SCIMP: variants seen among roughly 807,000 people sequenced by gnomAD.
SCIMP encodes the protein SLP adaptor and CSK interacting membrane protein, also known as SLP adapter and CSK-interacting membrane protein.
SCIMP carries 18 observed loss-of-function variants against 22.0 expected under a neutral mutation model. The observed-to-expected ratio is 0.82, with a 90% CI of 0.56 to 1.21. The LOEUF (loss-of-function observed/expected upper bound fraction) is 1.21, where lower values mean the gene tolerates loss of function less well. SCIMP is among the 50% of genes most tolerant of loss of function. SCIMP has a pLI of 0.00. For synonymous variants in SCIMP, 53 were observed against 62.2 expected (o/e 0.85, Z 0.70); for missense variants, 155 against 171.2 (o/e 0.91, Z 0.53).
intron 4 of SCIMP, chr17:5,213,993 T>A (rs2074545715): frequency 6.6e-6 from 1 of 152,174 alleles, no homozygotes; most frequent in Non-Finnish European, 1.5e-5. Flanking sequence ...TCCAACAGGA[T>A]CAGTGTCCTT....
At chr17:5,234,624 C>T in intron 1 of SCIMP, 111 bp downstream of exon 1, 14 of 1,153,542 alleles carry the variant, frequency 1.2e-5, no homozygotes, top group Non-Finnish European at 1.3e-6. Context: ...CTGCAATCCC[C>T]TGGCCCAGTG....
intron 1 of SCIMP, among the ~76,000 whole-genome samples, chr17:5,228,825 C>T (rs1484218372): frequency 5.3e-5 from 8 of 152,136 alleles, no homozygotes; most frequent in Admixed American, 5.2e-4. Flanking sequence ...TTTCTAGCGC[C>T]TAGAACATCA....
At chr17:5,215,068 A>G in intron 3 of SCIMP, 70 bp from the exon 4 acceptor site, 3 of 949,312 alleles carry the variant, frequency 3.2e-6, no homozygotes, top group Non-Finnish European at 5.2e-6. Flanking sequence ...GATTTAAGAG[A>G]AAACATCAAG....
intron 2 of SCIMP, 86 bp downstream of exon 2, chr17:5,223,246 GA>G (rs1299341496): frequency 7.0e-7 from 1 of 1,434,806 alleles, no homozygotes; most frequent in Non-Finnish European, 9.7e-7. Flanking sequence ...TCAGGCCCAG[GA>G]TTGATTTGCT....
At chr17:5,220,413 C>CATAGCAAG (rs1196798191) in intron 3 of SCIMP, among the ~76,000 whole-genome samples, 1 of 106,758 alleles carries the variant, frequency 9.4e-6, no homozygotes, top group Non-Finnish European at 1.8e-5. Context: ...GCCTGGGCAA[C>CATAGCAAG]ATAGCAAGAC....
intron 1 of SCIMP, among the ~76,000 whole-genome samples, chr17:5,230,281 A>G (rs769351443): frequency 6.6e-6 from 1 of 152,246 alleles, no homozygotes; most frequent in Non-Finnish European, 1.5e-5. Context: ...TATTAAGGGC[A>G]AACCAACCAA....
chr17:5,231,919 G>A (rs1421070649), intron 1 of SCIMP, among the ~76,000 whole-genome samples: 8 of 152,154 alleles, frequency 5.3e-5, no homozygotes, highest in Non-Finnish European at 8.8e-5. Flanking sequence ...AGCCAGGCAT[G>A]GTGGCAGGCG....
chr17:5,223,677 G>A, intron 1 of SCIMP: 1 of 467,576 alleles, frequency 2.1e-6, no homozygotes, highest in South Asian at 2.0e-5. Flanking sequence ...AGCCTCCAGA[G>A]TAACGGGGAC....
intron 1 of SCIMP, among the ~76,000 whole-genome samples, chr17:5,224,646 G>A (rs1028990106): frequency 1.3e-5 from 2 of 151,604 alleles, no homozygotes; most frequent in South Asian, 2.1e-4. Context: ...TAGTAGAGAC[G>A]GGGTTTCATC....
rs1004393340 is a variant in SCIMP, at chr17:5,209,377, G to T, written c.*1424C>A. ...TCGAACTCCCGACCTCAGGTGATCC[G>T]CCCACCTTGGCCTCCCAAGGAGGTA... On this transcript the variant is annotated 3_prime_UTR_variant, in exon 5 of 5. Coordinates refer to ENST00000574081, the MANE Select transcript of SCIMP (RefSeq NM_207103.3). 6.6e-6 allele frequency: 1 copy of T among 152,168 alleles called. No homozygotes were observed. Among genetic ancestry groups the T allele is most frequent in the African/African-American group, 2.4e-5 (1 of 41,410 alleles). The allele number at this position is 152,168 out of a possible 1,614,324, so 9.4% of individuals were successfully genotyped here. A position where few individuals can be genotyped will look rare whatever the true frequency, so the allele number is the denominator to read the frequency against.
At chr17:5,226,508 C>CA (rs1491269653) in intron 1 of SCIMP, among the ~76,000 whole-genome samples, 1 of 33,052 alleles carries the variant, frequency 3.0e-5, no homozygotes, top group African/African-American at 5.9e-5. Context: ...TTCTTTCTTT[C>CA]TTTTTTTTTT....
Position 5,210,875 on chromosome 17 carries a change from G to A in SCIMP, c.364C>T (p.Pro122Ser), listed in dbSNP as rs2074521297. 1 of 1,614,072 alleles carries A rather than the reference G, an allele frequency of 6.2e-7. No homozygotes were observed. The highest frequency in any genetic ancestry group is 8.5e-7 in the Non-Finnish European group (1 of 1,180,018). Residue 122 changes from proline (P) to serine (S), a missense_variant, in exon 5 of 5, where the codon CCA (proline) becomes TCA (serine). Physicochemically the swap from Pro to Ser is moderately conservative, Grantham distance 74 (BLOSUM62 -1). Coordinates refer to ENST00000574081, the MANE Select transcript of SCIMP (RefSeq NM_207103.3). ...KVKNKKTVSIPSYIEPEDDYD... is the reference protein window; with the variant it reads ...KVKNKKTVSISSYIEPEDDYD... ...TCATCTTCAGGCTCAATGTAGCTTG[G>A]GATGGAAACAGTCTTCTTATTTTTA...
At chr17:5,225,672 G>C (rs977577293) in intron 1 of SCIMP, among the ~76,000 whole-genome samples, 6 of 151,634 alleles carry the variant, frequency 4.0e-5, no homozygotes, top group African/African-American at 9.7e-5. Context: ...TGAGGCAAGA[G>C]AATTGCTTGA....
In SCIMP at chr17:5,209,933, G is replaced by GC. The variant is rs1724861419; in HGVS notation, c.*867dup. The GC allele has an allele frequency of 6.6e-6, 1 of 152,126 alleles. No homozygotes were observed. Among genetic ancestry groups the GC allele is most frequent in the Non-Finnish European group, 1.5e-5 (1 of 68,028 alleles). The allele number at this position is 152,126 out of a possible 1,614,324, so 9.4% of individuals were successfully genotyped here. ...GAAAATGATGGACAGGGGATATTAA[G>GC]CCCCCTGAACTCTCATCTTGTATAT... is the stretch of plus-strand genomic sequence containing the variant. On this transcript the variant is annotated 3_prime_UTR_variant, in exon 5 of 5. Coordinates refer to ENST00000574081, the MANE Select transcript of SCIMP (RefSeq NM_207103.3).
intron 1 of SCIMP, among the ~76,000 whole-genome samples, chr17:5,229,959 C>A (rs572646180): frequency 6.5e-4 from 98 of 151,588 alleles, no homozygotes; most frequent in African/African-American, 2.4e-3. Flanking sequence ...CTCTCCTCTC[C>A]TTTTTCTCCT....
In SCIMP at chr17:5,214,644, T is replaced by C. The variant is rs191804802; in HGVS notation, c.283+281A>G. 205 of 342,608 alleles carry C rather than the reference T, an allele frequency of 6.0e-4. No homozygotes were observed. The Admixed American group carries it at 7.3e-3, about 12-fold the overall frequency. The allele number at this position is 342,608 out of a possible 1,614,324, so 21.2% of individuals were successfully genotyped here. A position where few individuals can be genotyped will look rare whatever the true frequency, so the allele number is the denominator to read the frequency against. On this transcript the variant is annotated intron_variant, in intron 4 of 4. Coordinates refer to ENST00000574081, the MANE Select transcript of SCIMP (RefSeq NM_207103.3). The stretch of plus-strand genomic sequence containing the variant: ...TCACGAGGTCAGGAGATCGAGACCA[T>C]CCTGGCTAACGCGGTGAAACTCCTT...
chr17:5,211,876 C>G (rs984894112), intron 4 of SCIMP, among the ~76,000 whole-genome samples: 2 of 151,960 alleles, frequency 1.3e-5, no homozygotes, highest in East Asian at 3.9e-4. Flanking sequence ...TGATGAAACT[C>G]TGTCTCTACA....
chr17:5,227,277 T>A (rs1367139297), intron 1 of SCIMP, among the ~76,000 whole-genome samples: 8 of 117,088 alleles, frequency 6.8e-5, no homozygotes, highest in Non-Finnish European at 1.4e-4. Flanking sequence ...CCTGTCTCTA[T>A]ATACACACAC....
chr17:5,230,615 A>G (rs1433886485), intron 1 of SCIMP, among the ~76,000 whole-genome samples: 1 of 152,176 alleles, frequency 6.6e-6, no homozygotes, highest in Admixed American at 6.6e-5. Context: ...ACTTGCTTCT[A>G]GTTGATCTTA....
Sources: allele counts gnomAD v4.1 joint callset (sites outside exome capture counted in the v4.1 genomes callset), GRCh38; gene constraint gnomAD v4.1.1; transcripts MANE v1.5; gene names NCBI Gene and HGNC (gene_info 2026-07-23, HGNC 2026-07-21).